HDLBP: variants seen among roughly 807,000 people sequenced by gnomAD.
HDLBP encodes vigilin.
A neutral mutation model predicts 137.3 loss-of-function variants in HDLBP; 30 were observed. The observed-to-expected ratio is 0.22, with a 90% CI of 0.16 to 0.30. The LOEUF is 0.30. Ranked by LOEUF, HDLBP falls within the 10% of genes least tolerant of loss-of-function variation. The probability of loss-of-function intolerance (pLI) is 1.00; values close to 1 mark genes in which losing one functional copy is unlikely to be tolerated. For missense variants in HDLBP, 1,119 were observed against 1,667.3 expected (o/e 0.67, Z 5.73); for synonymous variants, 606 against 596.0 (o/e 1.02, Z -0.24).
chr2:241,242,667 G>A lies in HDLBP; in HGVS notation c.1962C>T (p.Ala654=), dbSNP rs150609869. 1.7e-4 allele frequency: 268 copies of A among 1,613,448 alleles called. 2 individuals carry two copies. In the African/African-American group the frequency reaches 3.2e-3, roughly 20 times the overall value. Reference sequence around the variant, plus strand: ...TGGCAGGGATGGAGACCTCTACCTCGGCTATGTTGGCCTGAAACCAAACAC... The same window carrying A: ...TGGCAGGGATGGAGACCTCTACCTCAGCTATGTTGGCCTGAAACCAAACAC... The part of the protein sequence containing the change: ...LSIQKDLANI[A]EVEVSIPAKL... Residue 654 remains alanine, a synonymous_variant, in exon 17 of 28, where the codon GCC becomes GCT. Coordinates refer to ENST00000310931, the MANE Select transcript of HDLBP (RefSeq NM_005336.6).
chr2:241,313,894 ACT>A (rs1439625692), intron 1 of HDLBP, among the ~76,000 whole-genome samples: 2 of 152,184 alleles, frequency 1.3e-5, no homozygotes, highest in Non-Finnish European at 2.9e-5. Flanking sequence ...CACTCAATGC[ACT>A]TTTACCCGAA....
At position 241,248,122 on chromosome 2, in the gene HDLBP, A is replaced by G; in HGVS notation, c.1618-6T>C. 1 of 1,609,046 alleles carries G rather than the reference A, an allele frequency of 6.2e-7. No individual in the cohort carries two copies. The highest frequency in any genetic ancestry group is 8.5e-7 in the Non-Finnish European group (1 of 1,175,310). The stretch of plus-strand genomic sequence containing the variant: ...TCTGGAAAGTTAATGATGACCTAGA[A>G]CAAATCATGGGGAGACTAAGTTCAA... On this transcript the variant is annotated splice_region_variant and splice_polypyrimidine_tract_variant and intron_variant, in intron 13 of 27. Coordinates refer to ENST00000310931, the MANE Select transcript of HDLBP (RefSeq NM_005336.6).
intron 1 of HDLBP, chr2:241,279,851 A>G (rs1305095078): frequency 1.0e-6 from 1 of 952,790 alleles, no homozygotes; most frequent in Non-Finnish European, 1.2e-6. Context: ...TAGTCAACAA[A>G]TTTTTAAGAA....
intron 20 of HDLBP, 21 bp from the exon 21 acceptor site, chr2:241,236,790 G>A: frequency 6.2e-7 from 1 of 1,612,258 alleles, no homozygotes; most frequent in East Asian, 2.2e-5. Flanking sequence ...AGGGGAAAAG[G>A]GACAGCTGAC....
chr2:241,248,204 C>G, intron 13 of HDLBP, 40 bp downstream of exon 13: 1 of 1,563,082 alleles, frequency 6.4e-7, no homozygotes, highest in South Asian at 1.1e-5. Flanking sequence ...TGACTTGGAT[C>G]ACTCCTATAG....
At chr2:241,298,168 C>T (rs2075257400) in intron 1 of HDLBP, among the ~76,000 whole-genome samples, 1 of 149,716 alleles carries the variant, frequency 6.7e-6, no homozygotes, top group Non-Finnish European at 1.5e-5. Flanking sequence ...AGTTTGAGAC[C>T]AGCCTGGGCC....
chr2:241,281,945 A>C (rs1371404121), intron 1 of HDLBP, among the ~76,000 whole-genome samples: 1 of 152,236 alleles, frequency 6.6e-6, no homozygotes, highest in African/African-American at 2.4e-5. Flanking sequence ...TAAACTGACA[A>C]GGGAGTTTTT....
chr2:241,236,454 G>C, intron 21 of HDLBP, 161 bp downstream of exon 21: 3 of 711,506 alleles, frequency 4.2e-6, no homozygotes, highest in Non-Finnish European at 4.8e-6. Flanking sequence ...TCTGTGTCCA[G>C]CCGAGAAGCA....
chr2:241,294,993 T>C (rs2075125724), intron 1 of HDLBP, among the ~76,000 whole-genome samples: 1 of 151,910 alleles, frequency 6.6e-6, no homozygotes, highest in Admixed American at 6.6e-5. Context: ...TCCCAGCTAC[T>C]CGGGAGGCTG....
In HDLBP at chr2:241,239,523, T is replaced by G. The variant is rs1574874305; in HGVS notation, c.2610+79A>C. On this transcript the variant is annotated intron_variant, in intron 19 of 27. Coordinates refer to ENST00000310931, the MANE Select transcript of HDLBP (RefSeq NM_005336.6). The surrounding 1 kb of genome is among the most constrained non-coding windows in gnomAD (Gnocchi z 4.6). ...ATGAGGGAGTCACCTCCCTACAGGG[T>G]GGAGCGAACACTCATACACGGCTTC... The G allele has an allele frequency of 8.6e-7, 1 of 1,160,598 alleles. No individual in the cohort carries two copies. The highest frequency in any genetic ancestry group is 2.3e-5 in the East Asian group (1 of 42,738). The allele number at this position is 1,160,598 out of a possible 1,614,324, so 71.9% of individuals were successfully genotyped here. A position where few individuals can be genotyped will look rare whatever the true frequency, so the allele number is the denominator to read the frequency against.
Position 241,240,134 on chromosome 2 carries a change from A to C in HDLBP, c.2170-12T>G. On this transcript the variant is annotated splice_polypyrimidine_tract_variant and intron_variant, in intron 17 of 27. Coordinates refer to ENST00000310931, the MANE Select transcript of HDLBP (RefSeq NM_005336.6). This position sits in a 1 kb window ranked among gnomAD's most constrained non-coding sequence, Gnocchi z 5.5. The stretch of plus-strand genomic sequence containing the variant: ...AAACTCTTGGTTTGCTGCAGAAACC[A>C]ATCCCACTGTGTTAGCCTGACACCA... 1 of 1,613,710 alleles carries C rather than the reference A, an allele frequency of 6.2e-7. No individual in the cohort carries two copies. The highest frequency in any genetic ancestry group is 1.1e-5 in the South Asian group (1 of 91,084).
chr2:241,272,882 C>T lies in HDLBP; in HGVS notation c.-102-4341G>A, dbSNP rs564143688. On this transcript the variant is annotated intron_variant, in intron 1 of 27. Transcript: ENST00000310931. This position sits in a 1 kb window ranked among gnomAD's most constrained non-coding sequence, Gnocchi z 5.6. Reference sequence around the variant, plus strand: ...GCTATATAGGGCGGCGGCCCAATCCCGCCTGGACACGTCAGCGCCCGCCCG... The same window carrying T: ...GCTATATAGGGCGGCGGCCCAATCCTGCCTGGACACGTCAGCGCCCGCCCG... The T allele has an allele frequency of 8.0e-5, 35 of 438,112 alleles. No individual in the cohort carries two copies. The highest frequency in any genetic ancestry group is 3.2e-4 in the Admixed American group (5 of 15,562). 27.1% of individuals were successfully genotyped at this position (438,112 alleles called of 1,614,324 possible).
intron 3 of HDLBP, among the ~76,000 whole-genome samples, chr2:241,265,802 A>C (rs1574968940): frequency 6.6e-6 from 1 of 152,198 alleles, no homozygotes; most frequent in Non-Finnish European, 1.5e-5. Flanking sequence ...AGGTGGAAGC[A>C]TTCTTTCAGT....
chr2:241,231,237 A>C (rs368499996), intron 24 of HDLBP: 5 of 290,026 alleles, frequency 1.7e-5, no homozygotes, highest in Non-Finnish European at 3.3e-5. Context: ...ATACAATATT[A>C]GCCGGGCGTG....
intron 1 of HDLBP, among the ~76,000 whole-genome samples, chr2:241,307,059 T>G (rs1354512668): frequency 7.2e-6 from 1 of 139,800 alleles, no homozygotes; most frequent in Non-Finnish European, 1.5e-5. Context: ...CCTTTCATTT[T>G]TGTTTCTTTT....
Position 241,230,945 on chromosome 2 carries a change from C to T in HDLBP, c.3289-1G>A. On this transcript the variant is annotated splice_acceptor_variant, in intron 24 of 27. Transcript: ENST00000310931. LOFTEE classifies it high-confidence loss of function. This position sits in a 1 kb window ranked among gnomAD's most constrained non-coding sequence, Gnocchi z 5.0. ...CTGTGATGGTAATTTGGTCCTGGGGCTAAAAAAGGAGAATGTAGTCAGAAA... is the reference window on the plus strand; with the variant it reads ...CTGTGATGGTAATTTGGTCCTGGGGTTAAAAAAGGAGAATGTAGTCAGAAA... 1 of 1,611,276 alleles carries T rather than the reference C, an allele frequency of 6.2e-7. No individual in the cohort carries two copies. The highest frequency in any genetic ancestry group is 2.2e-5 in the East Asian group (1 of 44,814).
intron 1 of HDLBP, among the ~76,000 whole-genome samples, chr2:241,276,418 GAA>G (rs2074388768): frequency 1.3e-5 from 2 of 151,746 alleles, no homozygotes. Flanking sequence ...GAGAAAACAA[GAA>G]AAAAGAATAG....
At chr2:241,308,620 G>C (rs2075660374) in intron 1 of HDLBP, among the ~76,000 whole-genome samples, 1 of 152,160 alleles carries the variant, frequency 6.6e-6, no homozygotes, top group Non-Finnish European at 1.5e-5. Context: ...CTGTTTTGCG[G>C]GGTATGCAGA....
chr2:241,232,483 TCAGGTTGGC>T (rs1217464291), intron 24 of HDLBP, among the ~76,000 whole-genome samples: 1 of 152,106 alleles, frequency 6.6e-6, no homozygotes, highest in East Asian at 1.9e-4. Flanking sequence ...GCCATGTTGG[TCAGGTTGGC>T]CTTGAACTCC....
Sources: allele counts gnomAD v4.1 joint callset (sites outside exome capture counted in the v4.1 genomes callset), GRCh38; gene constraint gnomAD v4.1.1; non-coding constraint Gnocchi (gnomAD v3.1); transcripts MANE v1.5; gene names NCBI Gene and HGNC (gene_info 2026-07-23, HGNC 2026-07-21).